CLDN10: variants seen among roughly 807,000 people sequenced by gnomAD.
CLDN10 encodes the protein claudin 10, also known as claudin-10.
In CLDN10, 15 loss-of-function variants were observed where a neutral mutation model predicts 22.9. The ratio of observed to expected loss-of-function variants is 0.65; its 90% CI spans 0.44 to 1.01. CLDN10 has a LOEUF of 1.01. Among genes scored for constraint, CLDN10 ranks in the 50% least tolerant of loss-of-function variants. CLDN10 has a pLI of 0.00. For synonymous variants in CLDN10, 114 were observed against 111.4 expected, an observed-to-expected ratio of 1.02 and a Z score of -0.15; for missense variants, 247 against 287.8, an observed-to-expected ratio of 0.86 and a Z score of 1.03.
intron 1 of CLDN10, among the ~76,000 whole-genome samples, chr13:95,553,795 C>G (rs1468190360): frequency 6.6e-6 from 1 of 152,166 alleles, no homozygotes; most frequent in Non-Finnish European, 1.5e-5. Flanking sequence ...ATGCTGGTAG[C>G]AGCTGGTGGA....
chr13:95,532,354 A>T (rs1337466494), intron 1 of CLDN10, among the ~76,000 whole-genome samples: 1 of 152,222 alleles, frequency 6.6e-6, no homozygotes, highest in Non-Finnish European at 1.5e-5. Context: ...GGCACTTCAC[A>T]AAAGAAGGTA....
chr13:95,502,030 A>G (rs1016337535), intron 1 of CLDN10, among the ~76,000 whole-genome samples: 4 of 152,216 alleles, frequency 2.6e-5, no homozygotes, highest in African/African-American at 9.6e-5. Flanking sequence ...AGCATCTAAT[A>G]TAAGAATTTT....
At chr13:95,486,633 C>T (rs569143886) in intron 1 of CLDN10, among the ~76,000 whole-genome samples, 30 of 152,222 alleles carry the variant, frequency 2.0e-4, no homozygotes, top group Admixed American at 1.6e-3. Flanking sequence ...AGTAGGATCT[C>T]CCCTGGAATT....
At position 95,563,095 on chromosome 13, in the gene CLDN10, A is replaced by ACTCTCTCTCTCTCTCTCTCTCTCTCT. The variant is rs34473629; in HGVS notation, c.464+2647_464+2672dup. 8.6e-5 allele frequency among the ~76,000 whole-genome samples: 11 copies of ACTCTCTCTCTCTCTCTCTCTCTCTCT among 128,132 alleles called. 1 individual carries two copies. Among genetic ancestry groups the ACTCTCTCTCTCTCTCTCTCTCTCTCT allele is most frequent in the South Asian group, 2.7e-4 (1 of 3,680 alleles). 84.1% of individuals were successfully genotyped at this position (128,132 alleles called of 152,430 possible). A position where few individuals can be genotyped will look rare whatever the true frequency, so the allele number is the denominator to read the frequency against. On this transcript the variant is annotated intron_variant, in intron 3 of 4. Coordinates refer to ENST00000299339, the MANE Select transcript of CLDN10 (RefSeq NM_006984.5). ...TTTCTCTTTCTGTCTCTGCCTACCC[A>ACTCTCTCTCTCTCTCTCTCTCTCTCT]CTCTCTCTCTCTCTCTCTCTCTCTC...
chr13:95,434,667 T>C (rs530658324), intron 1 of CLDN10, among the ~76,000 whole-genome samples: 1 of 152,208 alleles, frequency 6.6e-6, no homozygotes, highest in Non-Finnish European at 1.5e-5. Context: ...ATATGTAATA[T>C]GCCATTGCTA....
At chr13:95,525,949 T>C (rs1395147913) in intron 1 of CLDN10, among the ~76,000 whole-genome samples, 1 of 152,228 alleles carries the variant, frequency 6.6e-6, no homozygotes, top group Admixed American at 6.5e-5. Flanking sequence ...CTATAAATCC[T>C]CTTATTTGGA....
intron 3 of CLDN10, 63 bp downstream of exon 3, chr13:95,560,526 C>A: frequency 7.7e-7 from 1 of 1,291,756 alleles, no homozygotes; most frequent in Non-Finnish European, 1.1e-6. Context: ...ATATTCTCAA[C>A]CAAGAGACAT....
At chr13:95,450,437 C>A (rs554965164) in intron 1 of CLDN10, among the ~76,000 whole-genome samples, 59 of 152,182 alleles carry the variant, frequency 3.9e-4, no homozygotes, top group Non-Finnish European at 7.4e-4. Flanking sequence ...TCTCGTGTTG[C>A]TCTGAGATGT....
At chr13:95,577,406 C>A (rs2043950158) in intron 4 of CLDN10, 68 bp downstream of exon 4, 5 of 991,742 alleles carry the variant, frequency 5.0e-6, no homozygotes, top group Middle Eastern at 2.7e-4. Context: ...ACATGTGGAA[C>A]AAATTACAGA....
chr13:95,562,191 C>G (rs1000235740), intron 3 of CLDN10, among the ~76,000 whole-genome samples: 1 of 151,900 alleles, frequency 6.6e-6, no homozygotes, highest in Non-Finnish European at 1.5e-5. Flanking sequence ...CTCAGCCTCC[C>G]GAAGTGCTGG....
chr13:95,555,475 G>T (rs960690191), intron 1 of CLDN10, among the ~76,000 whole-genome samples: 1 of 152,032 alleles, frequency 6.6e-6, no homozygotes, highest in African/African-American at 2.4e-5. Context: ...TAGGCCCATG[G>T]TTCTGTTGTT....
chr13:95,437,592 G>A (rs922718867), intron 1 of CLDN10, among the ~76,000 whole-genome samples: 1 of 152,198 alleles, frequency 6.6e-6, no homozygotes, highest in Non-Finnish European at 1.5e-5. Context: ...TGTTCCTGTC[G>A]TGCCCCTGGC....
At chr13:95,566,924 T>C (rs568352020) in intron 3 of CLDN10, among the ~76,000 whole-genome samples, 5 of 152,306 alleles carry the variant, frequency 3.3e-5, no homozygotes, top group African/African-American at 1.2e-4. Context: ...AAAGATCAGA[T>C]GGTTGTAGAT....
chr13:95,512,628 CT>C (rs755994422), intron 1 of CLDN10, among the ~76,000 whole-genome samples: 1 of 152,194 alleles, frequency 6.6e-6, no homozygotes, highest in Non-Finnish European at 1.5e-5. Flanking sequence ...GCAGTATCAG[CT>C]GCAGCCCTGT....
chr13:95,541,760 C>T (rs1415586732), intron 1 of CLDN10, among the ~76,000 whole-genome samples: 1 of 152,174 alleles, frequency 6.6e-6, no homozygotes, highest in Non-Finnish European at 1.5e-5. Flanking sequence ...AAATGCCAGT[C>T]CAGTGCTATT....
chr13:95,510,219 ACTTGACAAGGGAGAAAAT>A (rs150290259), intron 1 of CLDN10, among the ~76,000 whole-genome samples: 229 of 152,316 alleles, frequency 1.5e-3, no homozygotes, highest in African/African-American at 5.4e-3. Context: ...AGTGAAGAAC[ACTTGACAAGGGAGAAAAT>A]CTGGACATTT....
At chr13:95,572,062 G>A (rs2043869198) in intron 3 of CLDN10, among the ~76,000 whole-genome samples, 1 of 152,100 alleles carries the variant, frequency 6.6e-6, no homozygotes, top group African/African-American at 2.4e-5. Flanking sequence ...ATCTTGCTTT[G>A]TTTTGGGAGT....
At chr13:95,521,634 T>C (rs146108614) in intron 1 of CLDN10, among the ~76,000 whole-genome samples, 266 of 152,314 alleles carry the variant, frequency 1.7e-3, no homozygotes, top group Admixed American at 3.6e-3. Flanking sequence ...AATTACACAC[T>C]GTAATTTTCC....
chr13:95,552,930 C>T lies in CLDN10; in HGVS notation c.177C>T (p.Gly59=), dbSNP rs1402568266. ...LWKACVTDST[G]VSNCKDFPSM... ...AGGCGTGCGTTACCGACTCCACGGG[C>T]GTCTCCAACTGCAAGGACTTCCCCT... The change falls in exon 1 of 5, where the codon GGC becomes GGT. Residue 59 remains glycine, a synonymous_variant. Transcript: ENST00000299339. 1.9e-6 allele frequency: 3 copies of T among 1,614,000 alleles called. No homozygotes were observed. In the African/African-American group the frequency reaches 4.0e-5, roughly 22 times the overall value.
Sources: gnomAD v4.1 joint callset for allele counts (sites outside exome capture counted in the v4.1 genomes callset) on GRCh38, gnomAD v4.1.1 for gene constraint, MANE v1.5 for transcripts, NCBI Gene and HGNC (gene_info 2026-07-23, HGNC 2026-07-21) for gene names.